The following ASPM variants were observed in gnomAD, a reference collection of about 807,000 sequenced individuals.
ASPM encodes abnormal spindle-like microcephaly-associated protein.
In ASPM, 256 loss-of-function variants were observed where a neutral mutation model predicts 366.4. The observed-to-expected ratio is 0.70, with a 90% CI of 0.63 to 0.77. The LOEUF (loss-of-function observed/expected upper bound fraction) is 0.77. Ranked by LOEUF, ASPM falls within the 30% of genes least tolerant of loss-of-function variation. The probability of loss-of-function intolerance (pLI) is 0.00; values close to 1 mark genes in which losing one functional copy is unlikely to be tolerated. For missense variants in ASPM, 4,146 were observed against 4,090.4 expected, an observed-to-expected ratio of 1.01 and a Z score of -0.37; for synonymous variants, 1,414 against 1,342.9, an observed-to-expected ratio of 1.05 and a Z score of -1.16.
chr1:197,135,180 C>T lies in ASPM; in HGVS notation c.2089G>A (p.Glu697Lys). 6.2e-7 allele frequency: 1 copy of T among 1,613,840 alleles called. No homozygotes were observed. The highest frequency in any genetic ancestry group is 8.5e-7 in the Non-Finnish European group (1 of 1,179,808). ...KNMFYDERWK[E>K]KQEQGFTWWL... ...CAAGTGAAGCCCTGTTCCTGCTTTT[C>T]CTTCCAGCGTTCATCATAAAACATG... Residue 697 changes from glutamate (E) to lysine (K), a missense_variant, in exon 5 of 28, where the codon GAA (glutamate) becomes AAA (lysine). Glu to Lys is a moderately conservative substitution (Grantham distance 56). This residue lies in a region of ASPM where 3,624 missense variants were observed against 3,591.7 expected (regional missense o/e 1.01). Transcript: ENST00000367409.
Position 197,132,324 on chromosome 1 carries a change from C to G in ASPM, c.2448G>C (p.Leu816=), listed in dbSNP as rs565764186. 2.5e-6 allele frequency: 4 copies of G among 1,613,284 alleles called. No individual in the cohort carries two copies. Among genetic ancestry groups the G allele is most frequent in the African/African-American group, 2.7e-5 (2 of 75,022 alleles). The change falls in exon 7 of 28, where the codon CTG becomes CTC. Residue 816 remains leucine (L), a synonymous_variant. Coordinates refer to ENST00000367409, the MANE Select transcript of ASPM (RefSeq NM_018136.5). Reference sequence around the variant, plus strand: ...GAAGCCACAAAGGATTGTAGGACAACAGCCAATTCAGGACTTTCTGACGTT... The same window carrying G: ...GAAGCCACAAAGGATTGTAGGACAAGAGCCAATTCAGGACTTTCTGACGTT... ...VGERQKVLNW[L]LSYNPLWLRI...
At position 197,100,609 on chromosome 1, in the gene ASPM, A is replaced by G. The variant is rs755347369; in HGVS notation, c.8642T>C (p.Leu2881Pro). 1.9e-6 allele frequency: 3 copies of G among 1,611,932 alleles called. No individual in the cohort carries two copies. The East Asian group carries it at 6.7e-5, about 36-fold the overall frequency. ...TAAAACCACTGCTGCTTTTCTATAT[A>G]GTAAAAACTGTTTTCTGGTTTGCCA... is the stretch of plus-strand genomic sequence containing the variant. Reference protein sequence around the residue: ...RTWQTRKQFLLYRKAAVVLQN... With the variant: ...RTWQTRKQFLPYRKAAVVLQN... The change falls in exon 18 of 28, where the codon CTA becomes CCA. Residue 2881 changes from leucine to proline, a missense_variant. Leu to Pro is a moderately conservative substitution (Grantham distance 98, BLOSUM62 -3). Transcript: ENST00000367409.
At chr1:197,139,738 C>T in intron 4 of ASPM, 29 bp downstream of exon 4, 1 of 1,480,494 alleles carries the variant, frequency 6.8e-7, no homozygotes, top group Non-Finnish European at 9.4e-7. Context: ...GTCATGTTTT[C>T]AGAGAGTTTA....
Position 197,143,754 on chromosome 1 carries a change from G to A in ASPM, c.498C>T (p.Asn166=), listed in dbSNP as rs755217956. 1.2e-6 allele frequency: 2 copies of A among 1,613,172 alleles called. No homozygotes were observed. Among genetic ancestry groups the A allele is most frequent in the South Asian group, 1.1e-5 (1 of 90,788 alleles). Residue 166 remains asparagine, a synonymous_variant, in exon 3 of 28, where the codon AAC becomes AAT. Transcript: ENST00000367409. ...KKKISASTSH[N]RRVSNIQNVN... The stretch of plus-strand genomic sequence containing the variant: ...CATTCTGAATATTTGAAACCCTTCT[G>A]TTGTGACTTGTAGAGGCTGAAATTT...
intron 19 of ASPM, 80 bp downstream of exon 19, chr1:197,095,918 T>C: frequency 3.3e-6 from 4 of 1,215,890 alleles, no homozygotes; most frequent in Non-Finnish European, 4.6e-6. Context: ...TAAAAATCAA[T>C]AAGCAGTGTT....
chr1:197,144,286 A>G (rs1658699054), intron 1 of ASPM, among the ~76,000 whole-genome samples, 186 bp from the exon 2 acceptor site: 1 of 152,196 alleles, frequency 6.6e-6, no homozygotes, highest in Non-Finnish European at 1.5e-5. Context: ...AAAAGTCACT[A>G]AAAATAACAG....
At position 197,102,470 on chromosome 1, in the gene ASPM, T is replaced by C. The variant is rs780386180; in HGVS notation, c.6781A>G (p.Met2261Val). ...ATGAGAGTTGCGGCTATATGCATCA[T>C]TTTTAAATGTCTTCTAGCTTTCTTT... The part of the protein sequence containing the change: ...RGKKARRHLK[M>V]MHIAATLIQR... Residue 2261 changes from methionine (M) to valine (V), a missense_variant, in exon 18 of 28, where the codon ATG becomes GTG. Physicochemically the swap from Met to Val is conservative, Grantham distance 21 (BLOSUM62 1). Transcript: ENST00000367409. 1.2e-6 allele frequency: 2 copies of C among 1,612,706 alleles called. No individual in the cohort carries two copies. The highest frequency in any genetic ancestry group is 3.3e-5 in the Admixed American group (2 of 59,798).
At chr1:197,142,168 A>G (rs964229500) in intron 3 of ASPM, among the ~76,000 whole-genome samples, 163 bp downstream of exon 3, 7 of 152,236 alleles carry the variant, frequency 4.6e-5, no homozygotes, top group African/African-American at 1.7e-4. Context: ...AAAATCAGAC[A>G]GATACAAGAT....
chr1:197,140,167 G>A (rs1301024158), intron 3 of ASPM, among the ~76,000 whole-genome samples: 1 of 152,204 alleles, frequency 6.6e-6, no homozygotes, highest in Non-Finnish European at 1.5e-5. Flanking sequence ...CTGAGAATAT[G>A]CAGAATTGAA....
In ASPM at chr1:197,084,142, T is replaced by C; in HGVS notation, c.*182A>G. ...AATAATATAATCATCTTATGACATA[T>C]TAGTTTATTACATGCATAAAACTAT... On this transcript the variant is annotated 3_prime_UTR_variant, in exon 28 of 28. Transcript: ENST00000367409. 1 of 596,274 alleles carries C rather than the reference T, an allele frequency of 1.7e-6. No homozygotes were observed. The highest frequency in any genetic ancestry group is 2.1e-5 in the South Asian group (1 of 47,368). 36.9% of individuals were successfully genotyped at this position (596,274 alleles called of 1,614,324 possible). A position where few individuals can be genotyped will look rare whatever the true frequency, so the allele number is the denominator to read the frequency against.
At chr1:197,130,148 C>A (rs766101020) in intron 7 of ASPM, 92 bp from the exon 8 acceptor site, 14 of 1,324,804 alleles carry the variant, frequency 1.1e-5, no homozygotes, top group Non-Finnish European at 1.4e-5. Context: ...ACCTAAGGAA[C>A]TGGCAATGTT....
chr1:197,143,270 C>T lies in ASPM; in HGVS notation c.982G>A (p.Ala328Thr). The T allele has an allele frequency of 6.2e-7, 1 of 1,612,824 alleles. No individual in the cohort carries two copies. The highest frequency in any genetic ancestry group is 2.2e-5 in the East Asian group (1 of 44,848). The change falls in exon 3 of 28, where the codon GCT (alanine) becomes ACT (threonine). Residue 328 changes from alanine (A) to threonine (T), a missense_variant. Ala to Thr is a moderately conservative substitution (Grantham distance 58, BLOSUM62 0). Coordinates refer to ENST00000367409, the MANE Select transcript of ASPM (RefSeq NM_018136.5). ...PDSFVNNSHG[A>T]NNELELVTCL... ...GTTACTAATTCTAGTTCATTATTAG[C>T]TCCATGACTATTATTTACAAAAGAA... is the stretch of plus-strand genomic sequence containing the variant.
Position 197,104,594 on chromosome 1 carries a change from CTT to C in ASPM, c.4655_4656del (p.Lys1552SerfsTer3). 1 of 1,612,898 alleles carries C rather than the reference CTT, an allele frequency of 6.2e-7. No homozygotes were observed. Among genetic ancestry groups the C allele is most frequent in the Non-Finnish European group, 8.5e-7 (1 of 1,179,424 alleles). ...IQLQAAFRRL[K>X]AHNLCRQIRA... ...CTAATTTGTCTACATAAATTATGAG[CTT>C]TCAGTCTCCTAAAAGCAGCTTGTAA... On this transcript the variant is annotated frameshift_variant, in exon 18 of 28. Coordinates refer to ENST00000367409, the MANE Select transcript of ASPM (RefSeq NM_018136.5). LOFTEE classifies it high-confidence loss of function.
At chr1:197,137,622 A>G (rs1395116270) in intron 4 of ASPM, among the ~76,000 whole-genome samples, 1 of 152,148 alleles carries the variant, frequency 6.6e-6, no homozygotes, top group Non-Finnish European at 1.5e-5. Flanking sequence ...CAGGGACTAC[A>G]GGTGCACACC....
chr1:197,130,255 T>A (rs1658219159), intron 7 of ASPM, among the ~76,000 whole-genome samples, 199 bp from the exon 8 acceptor site: 1 of 152,166 alleles, frequency 6.6e-6, no homozygotes, highest in Admixed American at 6.5e-5. Flanking sequence ...TACGTTGCAA[T>A]GCAAAAAGAC....
At chr1:197,128,763 AATAAT>A in intron 9 of ASPM, 98 bp from the exon 10 acceptor site, 2 of 376,246 alleles carry the variant, frequency 5.3e-6, no homozygotes, top group Non-Finnish European at 9.5e-6. Context: ...ATAAAAATAA[AATAAT>A]ATAAAAAGTT....
chr1:197,101,759 T>A lies in ASPM; in HGVS notation c.7492A>T (p.Ile2498Phe). 6.2e-7 allele frequency: 1 copy of A among 1,612,522 alleles called. No individual in the cohort carries two copies. The highest frequency in any genetic ancestry group is 1.1e-5 in the South Asian group (1 of 91,062). Residue 2498 changes from isoleucine to phenylalanine, a missense_variant, in exon 18 of 28, where the codon ATT becomes TTT. Physicochemically the swap from Ile to Phe is conservative, Grantham distance 21. This residue lies in a region of ASPM where 3,624 missense variants were observed against 3,591.7 expected (regional missense o/e 1.01). Transcript: ENST00000367409. Reference sequence around the variant, plus strand: ...GCATGTTTCCAAGTCTGAAATGTAATATATGTTCTGTACATCCTGAAAGTA... The same window carrying A: ...GCATGTTTCCAAGTCTGAAATGTAAAATATGTTCTGTACATCCTGAAAGTA... ...QATFRMYRTY[I>F]TFQTWKHASI...
Position 197,104,732 on chromosome 1 carries a change from A to G in ASPM, c.4519T>C (p.Tyr1507His), listed in dbSNP as rs1657354236. 6 of 1,608,740 alleles carry G rather than the reference A, an allele frequency of 3.7e-6. No homozygotes were observed. The highest frequency in any genetic ancestry group is 2.2e-5 in the South Asian group (2 of 89,504). Reference protein sequence around the residue: ...RFRCFQAQKLYKRRKESILTI... With the variant: ...RFRCFQAQKLHKRRKESILTI... The stretch of plus-strand genomic sequence containing the variant: ...AGTATGGACTCTTTTCTTCTTTTAT[A>G]TAACTTTTGGGCTTGAAAGCACCGA... The change falls in exon 18 of 28, where the codon TAT becomes CAT. Residue 1507 changes from tyrosine to histidine, a missense_variant. Around this residue, in one of 3 missense-constraint regions of ASPM, gnomAD observed 3,624 missense variants for 3,591.7 expected, o/e 1.01. Coordinates refer to ENST00000367409, the MANE Select transcript of ASPM (RefSeq NM_018136.5).
In ASPM at chr1:197,093,223, T is replaced by C. The variant is rs746727981; in HGVS notation, c.9123A>G (p.Arg3041=). The change falls in exon 21 of 28, where the codon AGA becomes AGG. Residue 3041 remains arginine (R), a synonymous_variant. Coordinates refer to ENST00000367409, the MANE Select transcript of ASPM (RefSeq NM_018136.5). Reference sequence around the variant, plus strand: ...GAAAGACCTGCCTTCCTTTATATCCTCTATAATGTGCTTGGATCAAACAAG... The same window carrying C: ...GAAAGACCTGCCTTCCTTTATATCCCCTATAATGTGCTTGGATCAAACAAG... ...RAACLIQAHY[R]GYKGRQVFLR... The C allele has an allele frequency of 6.2e-6, 10 of 1,612,354 alleles. No individual in the cohort carries two copies. Among genetic ancestry groups the C allele is most frequent in the East Asian group, 4.5e-5 (2 of 44,838 alleles).
Sources: gnomAD v4.1 joint callset for allele counts (sites outside exome capture counted in the v4.1 genomes callset) on GRCh38, gnomAD v4.1.1 for gene constraint, gnomAD v4.1.1 regional missense constraint, MANE v1.5 for transcripts, NCBI Gene and HGNC (gene_info 2026-07-23, HGNC 2026-07-21) for gene names.